The following STK38 variants were observed in gnomAD, a reference collection of about 807,000 sequenced individuals.
STK38 encodes the protein serine/threonine-protein kinase 38.
STK38 carries 26 observed loss-of-function variants against 59.0 expected under a neutral mutation model. The observed-to-expected ratio is 0.44, with a 90% CI of 0.32 to 0.61. The LOEUF (loss-of-function observed/expected upper bound fraction) is 0.61, where lower values mean the gene tolerates loss of function less well. Ranked by LOEUF, STK38 falls within the 20% of genes least tolerant of loss-of-function variation. The pLI is 0.04. For missense variants in STK38, 433 were observed against 566.0 expected (o/e 0.76, Z 2.38); for synonymous variants, 175 against 176.6 (o/e 0.99, Z 0.07).
chr6:36,521,666 A>G, intron 5 of STK38, 68 bp downstream of exon 5: 2 of 1,198,782 alleles, frequency 1.7e-6, no homozygotes, highest in Non-Finnish European at 2.3e-6. Flanking sequence ...TATTTCAATT[A>G]AACAAAAAGA....
chr6:36,538,295 CT>C (rs1777846895), intron 2 of STK38, among the ~76,000 whole-genome samples: 1 of 150,932 alleles, frequency 6.6e-6, no homozygotes, highest in Non-Finnish European at 1.5e-5. Flanking sequence ...CAGAGTGAGA[CT>C]CCGTCTCAAA....
Position 36,540,537 on chromosome 6 carries a change from A to C in STK38, c.-5-330T>G, listed in dbSNP as rs565123016. Among the ~76,000 whole-genome samples the C allele has an allele frequency of 4.6e-5, 7 of 152,360 alleles. No homozygotes were observed. The South Asian group carries it at 1.4e-3, about 32-fold the overall frequency. On this transcript the variant is annotated intron_variant, in intron 1 of 13. Coordinates refer to ENST00000229812, the MANE Select transcript of STK38 (RefSeq NM_007271.4). The stretch of plus-strand genomic sequence containing the variant: ...GAAGTTGGAGGCACTTAAGTAAGAA[A>C]ATAAAGAGCTGTGGCTGCATAGGAA...
intron 11 of STK38, 141 bp from the exon 12 acceptor site, chr6:36,498,016 T>C (rs1776747978): frequency 7.9e-6 from 5 of 635,004 alleles, no homozygotes; most frequent in East Asian, 5.8e-5. Flanking sequence ...CATGGCTCAC[T>C]GCAGCCTCAA....
At chr6:36,509,059 G>A (rs1317135871) in intron 7 of STK38, among the ~76,000 whole-genome samples, 1 of 152,226 alleles carries the variant, frequency 6.6e-6, no homozygotes, top group African/African-American at 2.4e-5. Context: ...TCTCCTTCTT[G>A]TTGCCTGCAA....
chr6:36,521,967 A>G, intron 4 of STK38, 150 bp from the exon 5 acceptor site: 2 of 596,366 alleles, frequency 3.4e-6, no homozygotes, highest in Non-Finnish European at 5.7e-6. Flanking sequence ...AATGCTTTTC[A>G]GTGTTCCAAA....
At chr6:36,517,287 T>C (rs1222102241) in intron 6 of STK38, among the ~76,000 whole-genome samples, 1 of 152,160 alleles carries the variant, frequency 6.6e-6, no homozygotes, top group Non-Finnish European at 1.5e-5. Flanking sequence ...TTTTTCTGGC[T>C]ACTAATATGG....
intron 7 of STK38, among the ~76,000 whole-genome samples, chr6:36,512,604 G>A (rs1281448655): frequency 6.6e-6 from 1 of 152,086 alleles, no homozygotes; most frequent in Non-Finnish European, 1.5e-5. Flanking sequence ...AAACAGAAAG[G>A]CATCAAAGTG....
At chr6:36,537,454 A>C (rs1046745939) in intron 2 of STK38, among the ~76,000 whole-genome samples, 9 of 152,244 alleles carry the variant, frequency 5.9e-5, no homozygotes, top group African/African-American at 2.2e-4. Flanking sequence ...AAATGTTCAT[A>C]GAAGTTTATT....
chr6:36,499,729 A>C (rs901530210), intron 10 of STK38, 144 bp downstream of exon 10: 3 of 699,094 alleles, frequency 4.3e-6, no homozygotes, highest in African/African-American at 3.5e-5. Context: ...TTACTGAAAG[A>C]GGTGTCATCT....
In STK38 at chr6:36,525,626, T is replaced by C; in HGVS notation, c.148A>G (p.Lys50Glu). 6.2e-7 allele frequency: 1 copy of C among 1,613,716 alleles called. No individual in the cohort carries two copies. The highest frequency in any genetic ancestry group is 2.2e-5 in the East Asian group (1 of 44,864). ...EREMRQKKLEKVMEEEGLKDE... is the reference protein window; with the variant it reads ...EREMRQKKLEEVMEEEGLKDE... The stretch of plus-strand genomic sequence containing the variant: ...TTTAGGCCTTCTTCTTCCATCACCT[T>C]TTCTAACTTCTTTTGTCTAAAACAA... The change falls in exon 3 of 14, where the codon AAG becomes GAG. Residue 50 changes from lysine (K) to glutamate (E), a missense_variant. Lys to Glu is a moderately conservative substitution (Grantham distance 56). This residue lies in a region of STK38 where 293 missense variants were observed against 388.2 expected (regional missense o/e 0.75). Coordinates refer to ENST00000229812, the MANE Select transcript of STK38 (RefSeq NM_007271.4).
intron 2 of STK38, 25 bp from the exon 3 acceptor site, chr6:36,525,667 A>G: frequency 6.3e-7 from 1 of 1,585,372 alleles, no homozygotes; most frequent in Non-Finnish European, 8.7e-7. Flanking sequence ...AACAAAAGAC[A>G]TGAAATCACA....
At chr6:36,498,594 T>C (rs1416206655) in intron 10 of STK38, 108 bp from the exon 11 acceptor site, 7 of 1,296,946 alleles carry the variant, frequency 5.4e-6, no homozygotes, top group South Asian at 2.9e-5. Flanking sequence ...TTTTTCTTTT[T>C]TTTTTTTTTT....
intron 5 of STK38, among the ~76,000 whole-genome samples, chr6:36,519,213 T>C (rs549871457): frequency 6.6e-6 from 1 of 152,268 alleles, no homozygotes; most frequent in African/African-American, 2.4e-5. Flanking sequence ...CTTATGGTAT[T>C]GGGGTGGGAA....
At chr6:36,504,123 A>C (rs952266615) in intron 9 of STK38, among the ~76,000 whole-genome samples, 1 of 152,352 alleles carries the variant, frequency 6.6e-6, no homozygotes, top group Admixed American at 6.5e-5. Context: ...GAAATAAAGC[A>C]ATTTAATTTC....
chr6:36,527,207 A>AAAAAAAAAATATATATATATATATATAT (rs60162863), intron 2 of STK38, among the ~76,000 whole-genome samples: 1 of 119,356 alleles, frequency 8.4e-6, no homozygotes, highest in African/African-American at 3.5e-5. Context: ...AAAAAAAAAA[A>AAAAAAAAAATATATATATATATATATAT]ATATATGTAT....
At chr6:36,498,568 A>G (rs921850087) in intron 10 of STK38, 82 bp from the exon 11 acceptor site, 7 of 1,328,010 alleles carry the variant, frequency 5.3e-6, no homozygotes, top group Non-Finnish European at 7.2e-6. Flanking sequence ...ATAAAATTCT[A>G]TGTCTTTTTT....
At chr6:36,536,990 C>G (rs1437076291) in intron 2 of STK38, among the ~76,000 whole-genome samples, 1 of 151,618 alleles carries the variant, frequency 6.6e-6, no homozygotes, top group East Asian at 1.9e-4. Flanking sequence ...AGCAAGAAAG[C>G]CACAGACTGG....
chr6:36,511,875 A>T (rs1042117561), intron 7 of STK38, among the ~76,000 whole-genome samples: 28 of 151,930 alleles, frequency 1.8e-4, no homozygotes, highest in African/African-American at 6.3e-4. Context: ...TCTGGCCAAC[A>T]GGGTGAAACC....
chr6:36,511,590 T>C (rs1419445278), intron 7 of STK38, among the ~76,000 whole-genome samples: 1 of 150,630 alleles, frequency 6.6e-6, no homozygotes, highest in Non-Finnish European at 1.5e-5. Flanking sequence ...ACTCCTGACC[T>C]CATGATCCAC....
Sources: gnomAD v4.1 joint callset for allele counts (sites outside exome capture counted in the v4.1 genomes callset) on GRCh38, gnomAD v4.1.1 for gene constraint, gnomAD v4.1.1 regional missense constraint, MANE v1.5 for transcripts, NCBI Gene and HGNC (gene_info 2026-07-23, HGNC 2026-07-21) for gene names.